Variants in DYNC2I1 observed in about 807,000 individuals in gnomAD.
DYNC2I1 encodes the protein dynein 2 intermediate chain 1, also known as cytoplasmic dynein 2 intermediate chain 1.
DYNC2I1 carries 89 observed loss-of-function variants against 133.4 expected under a neutral mutation model. The ratio of observed to expected loss-of-function variants is 0.67; its 90% CI spans 0.56 to 0.80. The LOEUF (loss-of-function observed/expected upper bound fraction) is 0.80. DYNC2I1 is among the 30% of genes least tolerant of loss of function. The pLI is 0.00. For missense variants in DYNC2I1, 1,291 were observed against 1,314.5 expected (o/e 0.98, Z 0.28); for synonymous variants, 504 against 484.3 (o/e 1.04, Z -0.54).
intron 8 of DYNC2I1, among the ~76,000 whole-genome samples, chr7:158,899,993 G>A (rs1442596873): frequency 6.6e-6 from 1 of 152,016 alleles, no homozygotes; most frequent in Non-Finnish European, 1.5e-5. Context: ...CTTCACTTTG[G>A]AAGCATAATT....
At chr7:158,886,295 C>A (rs1035844644) in intron 6 of DYNC2I1, among the ~76,000 whole-genome samples, 3 of 151,918 alleles carry the variant, frequency 2.0e-5, no homozygotes, top group African/African-American at 7.3e-5. Context: ...CCACGCCTGG[C>A]TAATTTTTTT....
chr7:158,905,938 TG>T lies in DYNC2I1; in HGVS notation c.1358-49del, dbSNP rs147698418. The T allele has an allele frequency of 8.9e-4, 1,295 of 1,456,100 alleles. 11 individuals carry two copies. The African/African-American group carries it at 0.016, about 18-fold the overall frequency. The allele number at this position is 1,456,100 out of a possible 1,614,324, so 90.2% of individuals were successfully genotyped here. A position where few individuals can be genotyped will look rare whatever the true frequency, so the allele number is the denominator to read the frequency against. On this transcript the variant is annotated intron_variant, in intron 10 of 24. Coordinates refer to ENST00000407559, the MANE Select transcript of DYNC2I1 (RefSeq NM_018051.5). ...GTTTTACTCCAGATATTTTTTTGCT[TG>T]GAAGACATATTTCCGTGTTGGAAAA...
downstream of DYNC2I1, among the ~76,000 whole-genome samples, chr7:158,950,387 A>G (rs2527207): frequency 0.78 from 113,478 of 146,048 alleles, 45,430 homozygotes; most frequent in Admixed American, 0.79. Flanking sequence ...TGTGAGCACC[A>G]GGACCAGCCT....
the DYNC2I1 span, among the ~76,000 whole-genome samples, chr7:158,842,296 G>T: frequency 1.2e-4 from 19 of 152,338 alleles, no homozygotes; most frequent in Middle Eastern, 3.4e-3. Context: ...CAAAGTGCTG[G>T]CATTACAGGC....
chr7:158,934,037 G>A (rs1238116582), intron 21 of DYNC2I1, 92 bp from the exon 22 acceptor site: 3 of 850,100 alleles, frequency 3.5e-6, no homozygotes, highest in Admixed American at 2.7e-5. Flanking sequence ...GTTATACATC[G>A]ATGTATTGTA....
intron 8 of DYNC2I1, among the ~76,000 whole-genome samples, chr7:158,897,584 A>C (rs1012313131): frequency 2.6e-5 from 4 of 152,152 alleles, no homozygotes; most frequent in African/African-American, 9.7e-5. Flanking sequence ...ATCTGCAGTG[A>C]TGTCCTCTTT....
chr7:158,915,347 C>T (rs867782908), intron 14 of DYNC2I1, among the ~76,000 whole-genome samples: 8 of 89,866 alleles, frequency 8.9e-5, no homozygotes, highest in Non-Finnish European at 9.4e-5. Context: ...TGTGAAACGT[C>T]GACACGCTGG....
At chr7:158,840,081 C>T in the DYNC2I1 span, among the ~76,000 whole-genome samples, 455 of 152,198 alleles carry the variant, frequency 3.0e-3, 12 homozygotes, top group East Asian at 0.074. Flanking sequence ...TCCCAAAGTG[C>T]TGGGGTTACA....
chr7:158,855,099 G>A (rs1056819102), upstream of DYNC2I1, among the ~76,000 whole-genome samples: 2 of 152,230 alleles, frequency 1.3e-5, no homozygotes, highest in Non-Finnish European at 2.9e-5. Flanking sequence ...CTATCGAGAT[G>A]GGGGAATTGC....
At position 158,945,725 on chromosome 7, in the gene DYNC2I1, G is replaced by T; in HGVS notation, c.3147G>T (p.Arg1049Ser). Residue 1049 changes from arginine to serine, a missense_variant, in exon 25 of 25, where the codon AGG becomes AGT. Arg to Ser is a moderately radical substitution (Grantham distance 110). Coordinates refer to ENST00000407559, the MANE Select transcript of DYNC2I1 (RefSeq NM_018051.5). This position sits in a 1 kb window ranked among gnomAD's most constrained non-coding sequence, Gnocchi z 4.1. ...WAAPEVDECNRLRLLLQEALW... is the reference protein window; with the variant it reads ...WAAPEVDECNSLRLLLQEALW... ...CCCCGGAGGTGGACGAGTGCAACAGGCTGCGTCTGCTTTTGCAGGAAGCCC... is the reference window on the plus strand; with the variant it reads ...CCCCGGAGGTGGACGAGTGCAACAGTCTGCGTCTGCTTTTGCAGGAAGCCC... The T allele has an allele frequency of 6.2e-7, 1 of 1,603,426 alleles. No individual in the cohort carries two copies. Among genetic ancestry groups the T allele is most frequent in the Non-Finnish European group, 8.5e-7 (1 of 1,174,168 alleles).
chr7:158,849,401 G>T, the DYNC2I1 span, among the ~76,000 whole-genome samples: 1 of 152,210 alleles, frequency 6.6e-6, no homozygotes, highest in Admixed American at 6.5e-5. Context: ...TGTGTTACAG[G>T]ATCTTTGGGG....
At chr7:158,850,175 G>A in the DYNC2I1 span, among the ~76,000 whole-genome samples, 1 of 152,212 alleles carries the variant, frequency 6.6e-6, no homozygotes, top group Admixed American at 6.5e-5. Flanking sequence ...AGAGACACCT[G>A]GGTCCTGCAC....
intron 8 of DYNC2I1, among the ~76,000 whole-genome samples, chr7:158,893,696 T>C (rs1381053749): frequency 6.6e-6 from 1 of 151,756 alleles, no homozygotes; most frequent in Non-Finnish European, 1.5e-5. Context: ...GTGCATATCC[T>C]ACTGCATATC....
chr7:158,919,706 T>C (rs1440231184), intron 15 of DYNC2I1, among the ~76,000 whole-genome samples: 2 of 152,240 alleles, frequency 1.3e-5, no homozygotes, highest in Non-Finnish European at 1.5e-5. Flanking sequence ...CATTTCTCTG[T>C]CTTTTAACGT....
chr7:158,916,373 C>G (rs71546420), intron 14 of DYNC2I1, among the ~76,000 whole-genome samples: 4 of 81,532 alleles, frequency 4.9e-5, no homozygotes, highest in Admixed American at 1.1e-4. Flanking sequence ...CGTCGACACG[C>G]TGGTTGACAT....
At chr7:158,932,095 C>A (rs1178672789) in intron 21 of DYNC2I1, among the ~76,000 whole-genome samples, 1 of 152,120 alleles carries the variant, frequency 6.6e-6, no homozygotes, top group Non-Finnish European at 1.5e-5. Flanking sequence ...GACTTTGTAC[C>A]CCGCATCCCA....
rs556150555 is a variant in DYNC2I1 at position 158,891,222 on chromosome 7, C to G, written c.991-43C>G. 1.6e-4 allele frequency: 257 copies of G among 1,611,364 alleles called. 1 individual carries two copies. In the East Asian group the frequency reaches 4.5e-3, roughly 28 times the overall value. On this transcript the variant is annotated intron_variant, in intron 7 of 24. Coordinates refer to ENST00000407559, the MANE Select transcript of DYNC2I1 (RefSeq NM_018051.5). Reference sequence around the variant, plus strand: ...AGCTGCGTGGCGTGTGCCCTGGAGTCCCACCTGTGTCCTGGCTGATGGGGC... The same window carrying G: ...AGCTGCGTGGCGTGTGCCCTGGAGTGCCACCTGTGTCCTGGCTGATGGGGC...
At chr7:158,907,151 C>T (rs1268021756) in intron 11 of DYNC2I1, among the ~76,000 whole-genome samples, 1 of 142,904 alleles carries the variant, frequency 7.0e-6, no homozygotes, top group African/African-American at 2.8e-5. Context: ...GAGCGAGACC[C>T]TGTCTCAAAA....
At chr7:158,879,582 GTGGT>G (rs1843788360) in intron 4 of DYNC2I1, 98 bp from the exon 5 acceptor site, 3 of 1,250,804 alleles carry the variant, frequency 2.4e-6, no homozygotes, top group Non-Finnish European at 3.3e-6. Flanking sequence ...TTTTTGATCC[GTGGT>G]TGGTTGGATC....
Sources: allele counts gnomAD v4.1 joint callset (sites outside exome capture counted in the v4.1 genomes callset), GRCh38; gene constraint gnomAD v4.1.1; non-coding constraint Gnocchi (gnomAD v3.1); transcripts MANE v1.5; gene names NCBI Gene and HGNC (gene_info 2026-07-23, HGNC 2026-07-21).